The following SMAD1 variants were observed in gnomAD, a reference collection of about 807,000 sequenced individuals.
SMAD1 encodes SMAD family member 1.
Under a neutral mutation model 41.6 loss-of-function variants are expected in SMAD1, and 6 were observed. The observed-to-expected ratio is 0.14, with a 90% CI of 0.08 to 0.28. The LOEUF (loss-of-function observed/expected upper bound fraction) is 0.28. Ranked by LOEUF, SMAD1 falls within the 10% of genes least tolerant of loss-of-function variation. The probability of loss-of-function intolerance (pLI) is 1.00; values close to 1 mark genes in which losing one functional copy is unlikely to be tolerated. For missense variants in SMAD1, 379 were observed against 582.6 expected (o/e 0.65, Z 3.60); for synonymous variants, 206 against 203.2 (o/e 1.01, Z -0.12).
At chr4:145,517,381 G>T (rs1327215743) in intron 2 of SMAD1, among the ~76,000 whole-genome samples, 1 of 151,992 alleles carries the variant, frequency 6.6e-6, no homozygotes, top group Non-Finnish European at 1.5e-5. Context: ...CAGTTTCATT[G>T]GGAAACCTTT....
chr4:145,531,245 G>A (rs2126483022), intron 2 of SMAD1, among the ~76,000 whole-genome samples: 1 of 152,332 alleles, frequency 6.6e-6, no homozygotes, highest in African/African-American at 2.4e-5. Context: ...TTTCATAAAT[G>A]TGTATACTAT....
rs773776278 is a variant in SMAD1 at position 145,542,650 on chromosome 4, G to A, written c.727G>A (p.Asp243Asn). Residue 243 changes from aspartate (D) to asparagine (N), a missense_variant, in exon 4 of 7, where the codon GAC becomes AAC. Around this residue, in one of 3 missense-constraint regions of SMAD1, gnomAD observed 208 missense variants for 210.5 expected, o/e 0.99. Transcript: ENST00000302085. Reference protein sequence around the residue: ...PMTQDGSQPMDTNMMAPPLPS... With the variant: ...PMTQDGSQPMNTNMMAPPLPS... Reference sequence around the variant, plus strand: ...GACCCAGGATGGCTCTCAGCCGATGGACACAAACATGATGGCGCCTCCCCT... The same window carrying A: ...GACCCAGGATGGCTCTCAGCCGATGAACACAAACATGATGGCGCCTCCCCT... 6.8e-6 allele frequency: 11 copies of A among 1,613,296 alleles called. No homozygotes were observed. In the Admixed American group the frequency reaches 1.8e-4, roughly 27 times the overall value.
At position 145,542,339 on chromosome 4, in the gene SMAD1, A is replaced by T. The variant is rs911071725; in HGVS notation, c.659-243A>T. ...TCCTGCATAGGCAAACAGCTTCTGG[A>T]ACTGGCATATAGTATAATTCTTTTC... On this transcript the variant is annotated intron_variant, in intron 3 of 6. Coordinates refer to ENST00000302085, the MANE Select transcript of SMAD1 (RefSeq NM_005900.3). Among the ~76,000 whole-genome samples, 15 of 152,258 alleles carry T rather than the reference A, an allele frequency of 9.9e-5. 1 individual carries two copies. Among genetic ancestry groups the T allele is most frequent in the Admixed American group, 9.2e-4 (14 of 15,292 alleles).
Position 145,515,021 on chromosome 4 carries a change from A to G in SMAD1, c.400+8A>G. The G allele has an allele frequency of 6.3e-7, 1 of 1,590,718 alleles. No individual in the cohort carries two copies. Among genetic ancestry groups the G allele is most frequent in the Non-Finnish European group, 8.6e-7 (1 of 1,166,326 alleles). ...AGAGAGTAGAAAGCCCTGGTAAGTG[A>G]GTTATTTTATGTTGATGTGCTTTGT... On this transcript the variant is annotated splice_region_variant and intron_variant, in intron 2 of 6. Transcript: ENST00000302085.
intron 5 of SMAD1, among the ~76,000 whole-genome samples, chr4:145,551,182 TAAACTC>T (rs1297942658): frequency 2.0e-5 from 3 of 152,204 alleles, no homozygotes; most frequent in Non-Finnish European, 4.4e-5. Context: ...CAGAATGAGT[TAAACTC>T]AGACTATACT....
At chr4:145,503,282 C>T (rs1202608090) in intron 1 of SMAD1, among the ~76,000 whole-genome samples, 7 of 152,004 alleles carry the variant, frequency 4.6e-5, no homozygotes. Context: ...CAGCAGAGTT[C>T]TGTGTTCTCT....
chr4:145,511,497 C>T (rs984474092), intron 1 of SMAD1, among the ~76,000 whole-genome samples: 40 of 152,272 alleles, frequency 2.6e-4, no homozygotes, highest in African/African-American at 7.9e-4. Context: ...CTCTGGAACT[C>T]CTCAAGCTAT....
In SMAD1 at chr4:145,502,930, T is replaced by C. The variant is rs183941435; in HGVS notation, c.-176-11508T>C. On this transcript the variant is annotated intron_variant, in intron 1 of 6. Transcript: ENST00000302085. ...TCTTGCTGGCATGTCACTTAAGTTATACTGGAGAGACTGGAAGACTTGCTG... is the reference window on the plus strand; with the variant it reads ...TCTTGCTGGCATGTCACTTAAGTTACACTGGAGAGACTGGAAGACTTGCTG... 7 of 152,350 alleles carry C rather than the reference T, an allele frequency of 4.6e-5. No individual in the cohort carries two copies. In the East Asian group the frequency reaches 1.3e-3, roughly 29 times the overall value. The allele number at this position is 152,350 out of a possible 1,614,324, so 9.4% of individuals were successfully genotyped here.
intron 4 of SMAD1, chr4:145,545,789 A>T (rs1560761200): frequency 6.6e-6 from 1 of 152,178 alleles, no homozygotes; most frequent in Non-Finnish European, 1.5e-5. Flanking sequence ...TGCTGGAAAT[A>T]TATGGTTTGT....
At chr4:145,494,082 A>G (rs568594059) in intron 1 of SMAD1, among the ~76,000 whole-genome samples, 88 of 152,018 alleles carry the variant, frequency 5.8e-4, no homozygotes, top group African/African-American at 2.1e-3. Flanking sequence ...CTGCCTCAGC[A>G]TCCTGAGTAG....
intron 5 of SMAD1, among the ~76,000 whole-genome samples, chr4:145,550,566 C>T (rs1298827337): frequency 6.6e-6 from 1 of 152,102 alleles, no homozygotes; most frequent in Non-Finnish European, 1.5e-5. Context: ...TACAGACATA[C>T]ATAAAATGAA....
intron 5 of SMAD1, among the ~76,000 whole-genome samples, chr4:145,549,646 GA>G (rs1380835583): frequency 1.3e-5 from 2 of 152,156 alleles, no homozygotes; most frequent in African/African-American, 4.8e-5. Context: ...GTAAAAGTAT[GA>G]AACAGTGACC....
chr4:145,533,256 TA>T, intron 2 of SMAD1, among the ~76,000 whole-genome samples: 1 of 152,354 alleles, frequency 6.6e-6, no homozygotes, highest in Non-Finnish European at 1.5e-5. Context: ...AGTCATCGCT[TA>T]TAGTTAGTGT....
In SMAD1 at chr4:145,546,729, C is replaced by A. The variant is rs1732272425; in HGVS notation, c.802C>A (p.Pro268Thr). 1 of 1,613,524 alleles carries A rather than the reference C, an allele frequency of 6.2e-7. No homozygotes were observed. Among genetic ancestry groups the A allele is most frequent in the South Asian group, 1.1e-5 (1 of 91,052 alleles). ...GDVQAVAYEEPKHWCSIVYYE... is the reference protein window; with the variant it reads ...GDVQAVAYEETKHWCSIVYYE... ...TGTTCAGGCGGTTGCTTATGAGGAA[C>A]CAAAACACTGGTGCTCTATTGTCTA... The change falls in exon 5 of 7, where the codon CCA becomes ACA. Residue 268 changes from proline to threonine, a missense_variant. This residue lies in a region of SMAD1 where 208 missense variants were observed against 210.5 expected (regional missense o/e 0.99). Coordinates refer to ENST00000302085, the MANE Select transcript of SMAD1 (RefSeq NM_005900.3).
At chr4:145,522,629 T>C (rs1730809077) in intron 2 of SMAD1, among the ~76,000 whole-genome samples, 1 of 152,084 alleles carries the variant, frequency 6.6e-6, no homozygotes, top group Non-Finnish European at 1.5e-5. Flanking sequence ...CTTTAAAAAA[T>C]GTCTTGCTTC....
At chr4:145,521,634 A>G (rs1730743502) in intron 2 of SMAD1, among the ~76,000 whole-genome samples, 1 of 152,168 alleles carries the variant, frequency 6.6e-6, no homozygotes, top group Admixed American at 6.5e-5. Flanking sequence ...ATAGAAATAG[A>G]GGACAGATTA....
intron 2 of SMAD1, among the ~76,000 whole-genome samples, chr4:145,534,085 T>C (rs1731475724): frequency 6.6e-6 from 1 of 152,168 alleles, no homozygotes; most frequent in Non-Finnish European, 1.5e-5. Context: ...GAAAAGGCCA[T>C]GTGAGTACAC....
chr4:145,484,209 C>T (rs1034675254), intron 1 of SMAD1, among the ~76,000 whole-genome samples: 4 of 152,092 alleles, frequency 2.6e-5, no homozygotes, highest in Non-Finnish European at 5.9e-5. Flanking sequence ...TAATCAAGGC[C>T]AAGTGTGTGT....
At chr4:145,515,174 G>GTGTGTGTC (rs1553945868) in intron 2 of SMAD1, among the ~76,000 whole-genome samples, 161 bp downstream of exon 2, 174 of 150,200 alleles carry the variant, frequency 1.2e-3, no homozygotes, top group African/African-American at 4.0e-3. Context: ...GTGTGTGTGT[G>GTGTGTGTC]TGTCTGTGTG....
Sources: allele counts gnomAD v4.1 joint callset (sites outside exome capture counted in the v4.1 genomes callset), GRCh38; gene constraint gnomAD v4.1.1; regional missense constraint gnomAD v4.1.1; transcripts MANE v1.5; gene names NCBI Gene and HGNC (gene_info 2026-07-23, HGNC 2026-07-21).